The following KCNH7 variants were observed in gnomAD, a reference collection of about 807,000 sequenced individuals.
The protein encoded by KCNH7 is potassium voltage-gated channel subfamily H member 7.
KCNH7 carries 49 observed loss-of-function variants against 120.8 expected under a neutral mutation model. That is an observed-to-expected ratio of 0.41 (90% CI 0.32 to 0.51). KCNH7 has a LOEUF of 0.51. KCNH7 is among the 20% of genes least tolerant of loss of function. The pLI is 0.38. For missense variants in KCNH7, 1,097 were observed against 1,446.6 expected, an observed-to-expected ratio of 0.76 and a Z score of 3.92; for synonymous variants, 547 against 516.1, an observed-to-expected ratio of 1.06 and a Z score of -0.81.
At chr2:162,673,891 T>G (rs553064889) in intron 2 of KCNH7, among the ~76,000 whole-genome samples, 63 of 152,010 alleles carry the variant, frequency 4.1e-4, no homozygotes, top group Non-Finnish European at 8.8e-4. Context: ...ATGAAGAAAA[T>G]TCCTTAATGC....
intron 2 of KCNH7, among the ~76,000 whole-genome samples, chr2:162,740,720 A>C (rs1262533378): frequency 6.6e-6 from 1 of 151,886 alleles, no homozygotes; most frequent in Non-Finnish European, 1.5e-5. Context: ...GTTACCTTCC[A>C]CTCTACATCA....
chr2:162,624,026 G>A (rs1404009360), intron 2 of KCNH7, among the ~76,000 whole-genome samples: 1 of 152,020 alleles, frequency 6.6e-6, no homozygotes. Flanking sequence ...GCTCTGTCTT[G>A]CCCCAAATGT....
chr2:162,701,965 C>T (rs534784900), intron 2 of KCNH7, among the ~76,000 whole-genome samples: 5 of 151,492 alleles, frequency 3.3e-5, no homozygotes, highest in African/African-American at 9.7e-5. Context: ...CAAGATCACG[C>T]CACTATACTC....
chr2:162,574,513 A>G (rs552309630), intron 2 of KCNH7, among the ~76,000 whole-genome samples: 1 of 152,064 alleles, frequency 6.6e-6, no homozygotes, highest in Admixed American at 6.6e-5. Flanking sequence ...TGCACTTGAA[A>G]TGTAAGCTAT....
At chr2:162,379,170 TAAAAGGCTACTATTGGATCAAG>T in intron 14 of KCNH7, among the ~76,000 whole-genome samples, 1 of 152,336 alleles carries the variant, frequency 6.6e-6, no homozygotes, top group South Asian at 2.1e-4. Context: ...GGTGGTGAAC[TAAAAGGCTACTATTGGATCAAG>T]ACAAATTCCC....
chr2:162,441,851 A>G (rs532966423), intron 7 of KCNH7, among the ~76,000 whole-genome samples: 1 of 152,188 alleles, frequency 6.6e-6, no homozygotes, highest in South Asian at 2.1e-4. Context: ...GGATGGCATT[A>G]TCATCAGGGA....
intron 2 of KCNH7, among the ~76,000 whole-genome samples, chr2:162,666,064 C>T (rs1249170565): frequency 6.6e-6 from 1 of 151,814 alleles, no homozygotes; most frequent in Non-Finnish European, 1.5e-5. Context: ...AGAATTACCA[C>T]ATCAAGGACA....
chr2:162,784,580 T>TC (rs1683630774), intron 2 of KCNH7: 1 of 152,164 alleles, frequency 6.6e-6, no homozygotes, highest in Non-Finnish European at 1.5e-5. Flanking sequence ...TTCTTTTTTT[T>TC]CCCTAATTTC....
intron 15 of KCNH7, among the ~76,000 whole-genome samples, chr2:162,372,746 T>A (rs1686002148): frequency 1.3e-5 from 2 of 152,118 alleles, no homozygotes; most frequent in African/African-American, 2.4e-5. Flanking sequence ...TTTAAATCAT[T>A]GTTCTTAGGT....
intron 14 of KCNH7, among the ~76,000 whole-genome samples, chr2:162,378,793 T>C (rs1558915862): frequency 6.6e-6 from 1 of 152,200 alleles, no homozygotes; most frequent in Non-Finnish European, 1.5e-5. Flanking sequence ...ATGAAACACA[T>C]GGCTGTTGAG....
intron 2 of KCNH7, among the ~76,000 whole-genome samples, chr2:162,680,772 G>C (rs1319097150): frequency 6.6e-6 from 1 of 151,672 alleles, no homozygotes; most frequent in Non-Finnish European, 1.5e-5. Context: ...TCACTTTTAA[G>C]TGACTGTAAT....
chr2:162,423,414 G>T lies in KCNH7; in HGVS notation c.2076C>A (p.Ile692=), dbSNP rs765853852. ...RVKEFIRFHQ[I]PNPLRQRLEE... Reference sequence around the variant, plus strand: ...CAAGACGTTGCCTCAGAGGGTTGGGGATTTGGTGAAAGCGAATGAACTCTT... The same window carrying T: ...CAAGACGTTGCCTCAGAGGGTTGGGTATTTGGTGAAAGCGAATGAACTCTT... Residue 692 remains isoleucine, a synonymous_variant, in exon 9 of 16, where the codon ATC becomes ATA. Coordinates refer to ENST00000332142, the MANE Select transcript of KCNH7 (RefSeq NM_033272.4). 98 of 1,614,024 alleles carry T rather than the reference G, an allele frequency of 6.1e-5. No homozygotes were observed. The highest frequency in any genetic ancestry group is 5.0e-4 in the Admixed American group (30 of 60,000).
At chr2:162,442,086 T>C (rs551367560) in intron 7 of KCNH7, among the ~76,000 whole-genome samples, 1 of 141,102 alleles carries the variant, frequency 7.1e-6, no homozygotes, top group East Asian at 2.4e-4. Flanking sequence ...GTGCGATCTC[T>C]GCTATCTCTG....
At chr2:162,563,348 C>A (rs1386310494) in intron 2 of KCNH7, among the ~76,000 whole-genome samples, 1 of 152,162 alleles carries the variant, frequency 6.6e-6, no homozygotes, top group Non-Finnish European at 1.5e-5. Context: ...GATAAGCAAG[C>A]AGTTACATTT....
chr2:162,563,278 C>A (rs1427074696), intron 2 of KCNH7, among the ~76,000 whole-genome samples: 1 of 152,176 alleles, frequency 6.6e-6, no homozygotes, highest in Non-Finnish European at 1.5e-5. Flanking sequence ...ATGGCTTATA[C>A]AAGAGCACTA....
chr2:162,393,994 G>A (rs1326137702), intron 12 of KCNH7, among the ~76,000 whole-genome samples: 1 of 151,980 alleles, frequency 6.6e-6, no homozygotes, highest in Non-Finnish European at 1.5e-5. Context: ...CAGAATCTGA[G>A]GATGAGAAGG....
chr2:162,631,237 GC>G (rs1342102134), intron 2 of KCNH7, among the ~76,000 whole-genome samples: 2 of 152,062 alleles, frequency 1.3e-5, no homozygotes, highest in African/African-American at 4.8e-5. Flanking sequence ...TGAGATGCTT[GC>G]CCTGTACCCC....
intron 2 of KCNH7, among the ~76,000 whole-genome samples, chr2:162,676,916 T>C (rs1472585235): frequency 2.0e-5 from 3 of 151,220 alleles, no homozygotes; most frequent in Non-Finnish European, 3.0e-5. Context: ...AGGATATCAT[T>C]TACGAAAAAA....
chr2:162,571,446 A>G (rs868325735), intron 2 of KCNH7, among the ~76,000 whole-genome samples: 5,905 of 146,662 alleles, frequency 0.04, 238 homozygotes, highest in East Asian at 0.11. Context: ...GGAAGAATCA[A>G]TATCATGAAA....
Sources: allele counts gnomAD v4.1 joint callset (sites outside exome capture counted in the v4.1 genomes callset), GRCh38; gene constraint gnomAD v4.1.1; transcripts MANE v1.5; gene names NCBI Gene and HGNC (gene_info 2026-07-23, HGNC 2026-07-21).